Variants in CEP112 observed in about 807,000 individuals in gnomAD.
CEP112 encodes the protein centrosomal protein of 112 kDa.
In CEP112, 127 loss-of-function variants were observed where a neutral mutation model predicts 153.0. The observed-to-expected ratio is 0.83, with a 90% CI of 0.72 to 0.96. The LOEUF is 0.96. Ranked by LOEUF, CEP112 falls within the 40% of genes least tolerant of loss-of-function variation. The pLI is 0.00. For synonymous variants in CEP112, 358 were observed against 374.4 expected, an observed-to-expected ratio of 0.96 and a Z score of 0.51; for missense variants, 1,089 against 1,101.2, an observed-to-expected ratio of 0.99 and a Z score of 0.16.
At chr17:65,738,356 T>A (rs563858117) in intron 23 of CEP112, among the ~76,000 whole-genome samples, 133 of 152,298 alleles carry the variant, frequency 8.7e-4, no homozygotes, top group Non-Finnish European at 1.5e-3. Context: ...GGTGCAAAAG[T>A]ACACATTTTT....
At chr17:65,718,309 G>A (rs1167017645) in intron 23 of CEP112, among the ~76,000 whole-genome samples, 1 of 151,892 alleles carries the variant, frequency 6.6e-6, no homozygotes, top group Non-Finnish European at 1.5e-5. Context: ...TCAGGAGGCT[G>A]AGGCAGGAGA....
intron 20 of CEP112, among the ~76,000 whole-genome samples, chr17:65,854,774 C>T (rs2058072059): frequency 6.6e-6 from 1 of 152,148 alleles, no homozygotes; most frequent in Non-Finnish European, 1.5e-5. Flanking sequence ...CAATAATCAG[C>T]TGTGGATCAA....
intron 23 of CEP112, among the ~76,000 whole-genome samples, chr17:65,715,780 G>C (rs1019098799): frequency 1.3e-5 from 2 of 152,092 alleles, no homozygotes; most frequent in Non-Finnish European, 2.9e-5. Context: ...GTAGAATCTG[G>C]GGAGTCAAGG....
At chr17:65,991,029 G>A (rs983838425) in intron 17 of CEP112, among the ~76,000 whole-genome samples, 6 of 152,170 alleles carry the variant, frequency 3.9e-5, no homozygotes, top group African/African-American at 1.4e-4. Context: ...AATACACCTT[G>A]GGCATCAGGC....
At chr17:66,188,278 C>CACAA (rs2073015062) in intron 1 of CEP112, among the ~76,000 whole-genome samples, 1 of 61,808 alleles carries the variant, frequency 1.6e-5, no homozygotes, top group African/African-American at 5.8e-5. Context: ...TCTCACACCA[C>CACAA]ACACACAAAC....
In CEP112 at chr17:65,891,123, C is replaced by T. The variant is rs115530177; in HGVS notation, c.2163+11029G>A. Among the ~76,000 whole-genome samples the T allele has an allele frequency of 8.0e-3, 1,217 of 152,042 alleles. 21 individuals carry two copies. Among genetic ancestry groups the T allele is most frequent in the African/African-American group, 0.027 (1,139 of 41,436 alleles). On this transcript the variant is annotated intron_variant, in intron 20 of 26. Transcript: ENST00000535342. ...CATAGTAGGAGCTCAATGAATGCCACTAAATGAATGAATGGATATCACAGG... is the reference window on the plus strand; with the variant it reads ...CATAGTAGGAGCTCAATGAATGCCATTAAATGAATGAATGGATATCACAGG...
intron 21 of CEP112, among the ~76,000 whole-genome samples, chr17:65,782,036 C>A (rs757520761): frequency 2.0e-5 from 3 of 152,054 alleles, no homozygotes; most frequent in Non-Finnish European, 4.4e-5. Flanking sequence ...ATCTTCTGCA[C>A]AGCAAAATAA....
intron 8 of CEP112, among the ~76,000 whole-genome samples, chr17:66,088,145 G>GC (rs1365822453): frequency 6.6e-6 from 1 of 151,908 alleles, no homozygotes; most frequent in Non-Finnish European, 1.5e-5. Flanking sequence ...AGCCAGACCA[G>GC]CCCCTACAGA....
At chr17:65,796,663 G>A (rs1440244230) in intron 21 of CEP112, among the ~76,000 whole-genome samples, 2 of 152,042 alleles carry the variant, frequency 1.3e-5, no homozygotes, top group Non-Finnish European at 2.9e-5. Context: ...CATACAGTTT[G>A]AAAATATCAG....
intron 19 of CEP112, among the ~76,000 whole-genome samples, chr17:65,910,594 C>T (rs185266990): frequency 5.3e-5 from 8 of 152,214 alleles, no homozygotes; most frequent in African/African-American, 1.9e-4. Flanking sequence ...ACCCAAATAA[C>T]TCCATCACAA....
chr17:66,030,868 T>C lies in CEP112; in HGVS notation c.1219-845A>G, dbSNP rs73344433. 8.6e-3 allele frequency among the ~76,000 whole-genome samples: 1,317 copies of C among 152,316 alleles called. 24 individuals carry two copies. Among genetic ancestry groups the C allele is most frequent in the African/African-American group, 0.03 (1,248 of 41,566 alleles). On this transcript the variant is annotated intron_variant, in intron 12 of 26. Coordinates refer to ENST00000535342, the MANE Select transcript of CEP112 (RefSeq NM_001199165.4). ...GTTAGTATGATGTTGCACTCAACTATTGTGTTATTCTAAGAGAACCATTTT... is the reference window on the plus strand; with the variant it reads ...GTTAGTATGATGTTGCACTCAACTACTGTGTTATTCTAAGAGAACCATTTT...
intron 6 of CEP112, among the ~76,000 whole-genome samples, chr17:66,119,837 T>G (rs1230094348): frequency 1.3e-5 from 2 of 152,214 alleles, no homozygotes; most frequent in Non-Finnish European, 2.9e-5. Context: ...AGTAATATTT[T>G]GCAGCAAGAG....
At chr17:65,798,425 C>T (rs2055064886) in intron 21 of CEP112, among the ~76,000 whole-genome samples, 2 of 152,122 alleles carry the variant, frequency 1.3e-5, no homozygotes, top group African/African-American at 4.8e-5. Flanking sequence ...ATCCACCATG[C>T]ATCATAATCT....
chr17:65,794,852 A>G (rs2054814747), intron 21 of CEP112, among the ~76,000 whole-genome samples: 1 of 152,188 alleles, frequency 6.6e-6, no homozygotes, highest in Admixed American at 6.5e-5. Context: ...GACAACTGCA[A>G]TAGTCTTTCA....
intron 6 of CEP112, among the ~76,000 whole-genome samples, chr17:66,107,971 A>G (rs2068857612): frequency 6.6e-6 from 1 of 152,142 alleles, no homozygotes; most frequent in Non-Finnish European, 1.5e-5. Flanking sequence ...GGAGTAGGAT[A>G]GAGAACCCAG....
chr17:65,667,531 T>C (rs1304239049), intron 24 of CEP112, among the ~76,000 whole-genome samples: 1 of 150,538 alleles, frequency 6.6e-6, no homozygotes, highest in Non-Finnish European at 1.5e-5. Context: ...TTAAGAAGGA[T>C]ATGAGTTTTA....
intron 1 of CEP112, among the ~76,000 whole-genome samples, chr17:66,187,634 G>A (rs549111601): frequency 6.6e-6 from 1 of 152,220 alleles, no homozygotes; most frequent in Non-Finnish European, 1.5e-5. Context: ...ACTCTCCAGT[G>A]CTCTTTCCTT....
intron 23 of CEP112, among the ~76,000 whole-genome samples, chr17:65,708,401 A>G (rs773425745): frequency 1.3e-5 from 2 of 152,250 alleles, no homozygotes; most frequent in Non-Finnish European, 1.5e-5. Context: ...GGCTAATTGA[A>G]GAAAAATGGA....
At chr17:66,189,228 C>T (rs1298936911) in intron 1 of CEP112, among the ~76,000 whole-genome samples, 6 of 152,122 alleles carry the variant, frequency 3.9e-5, no homozygotes, top group Non-Finnish European at 7.3e-5. Flanking sequence ...AGGCCAGGCG[C>T]GTTGGCTCAC....
Sources: gnomAD v4.1 joint callset for allele counts (sites outside exome capture counted in the v4.1 genomes callset) on GRCh38, gnomAD v4.1.1 for gene constraint, MANE v1.5 for transcripts, NCBI Gene and HGNC (gene_info 2026-07-23, HGNC 2026-07-21) for gene names.